The following LRP5 variants were observed in gnomAD, a reference collection of about 807,000 sequenced individuals.
LRP5 encodes the protein LDL receptor related protein 5.
LRP5 carries 62 observed loss-of-function variants against 154.1 expected under a neutral mutation model. That is an observed-to-expected ratio of 0.40 (90% CI 0.33 to 0.50). The LOEUF is 0.50. LRP5 is among the 20% of genes least tolerant of loss of function. The pLI, the probability that LRP5 is intolerant of heterozygous loss-of-function variation, is 0.55. For missense variants in LRP5, 1,915 were observed against 2,336.7 expected (o/e 0.82, Z 3.72); for synonymous variants, 966 against 1,011.5 (o/e 0.96, Z 0.85).
At chr11:68,379,359 C>G (rs1591252795) in intron 5 of LRP5, among the ~76,000 whole-genome samples, 1 of 152,166 alleles carries the variant, frequency 6.6e-6, no homozygotes. Flanking sequence ...GCAGGAACCT[C>G]CATGCGTTCC....
the LRP5 span, among the ~76,000 whole-genome samples, chr11:68,307,404 C>T: frequency 1.3e-5 from 2 of 152,074 alleles, no homozygotes; most frequent in Non-Finnish European, 2.9e-5. Flanking sequence ...GTGGCTCATA[C>T]CTATAATCCT....
Position 68,370,770 on chromosome 11 carries a change from G to A in LRP5, c.1015+5068G>A, listed in dbSNP as rs545070267. On this transcript the variant is annotated intron_variant, in intron 5 of 22. Coordinates refer to ENST00000294304, the MANE Select transcript of LRP5 (RefSeq NM_002335.4). ...GAAAAACATTTTGTGTCATTTATAG[G>A]CCCTGCTTGGGCGAGACTCTGGGCC... Among the ~76,000 whole-genome samples, 11 of 152,336 alleles carry A rather than the reference G, an allele frequency of 7.2e-5. No homozygotes were observed. The South Asian group carries it at 2.3e-3, about 32-fold the overall frequency.
intron 13 of LRP5, among the ~76,000 whole-genome samples, chr11:68,421,163 C>T (rs2098665388): frequency 6.6e-6 from 1 of 152,012 alleles, no homozygotes; most frequent in South Asian, 2.1e-4. Context: ...GGAGGCGGAG[C>T]TTGCGGTGAG....
intron 7 of LRP5, among the ~76,000 whole-genome samples, chr11:68,399,530 A>G (rs1354418523): frequency 6.6e-6 from 1 of 152,214 alleles, no homozygotes; most frequent in African/African-American, 2.4e-5. Context: ...TGTCCTGGAA[A>G]ATTCATCTCC....
intron 1 of LRP5, among the ~76,000 whole-genome samples, chr11:68,315,422 G>C (rs866998345): frequency 2.0e-5 from 3 of 152,378 alleles, no homozygotes; most frequent in South Asian, 4.1e-4. Flanking sequence ...GGAGTAGTTA[G>C]TTAGCACTGT....
rs80358306 is a variant in LRP5 at position 68,357,679 on chromosome 11, C to T, written c.518C>T (p.Thr173Met). The T allele has an allele frequency of 2.5e-4, 409 of 1,614,100 alleles. 1 individual carries two copies. The highest frequency in any genetic ancestry group is 8.7e-4 in the East Asian group (39 of 44,878). Residue 173 changes from threonine to methionine, a missense_variant, in exon 3 of 23, where the codon ACG (threonine) becomes ATG (methionine). Thr to Met is a moderately conservative substitution (Grantham distance 81). Around this residue, in one of 3 missense-constraint regions of LRP5, gnomAD observed 773 missense variants for 1,100.9 expected, o/e 0.70. Coordinates refer to ENST00000294304, the MANE Select transcript of LRP5 (RefSeq NM_002335.4). ...ATGTACTGGACAGACTGGGGTGAGA[C>T]GCCCCGGATTGAGCGGGCAGGGATG... The part of the protein sequence containing the change: ...GYMYWTDWGE[T>M]PRIERAGMDG...
chr11:68,409,069 AAAAAATATAT>A lies in LRP5; in HGVS notation c.2092-843_2092-834del, dbSNP rs1419677848. 2.5e-4 allele frequency among the ~76,000 whole-genome samples: 13 copies of A among 51,106 alleles called. No homozygotes were observed. In the South Asian group the frequency reaches 3.2e-3, roughly 12 times the overall value. The allele number at this position is 51,106 out of a possible 152,430, so 33.5% of individuals were successfully genotyped here. ...ATCTGGGGAAAAAAAAAAAAAAAAA[AAAAAATATAT>A]ATATATATATATATATACACACACA... On this transcript the variant is annotated intron_variant, in intron 9 of 22. Transcript: ENST00000294304.
rs2098667033 is a variant in LRP5, at chr11:68,423,570, A to G, written c.3109A>G (p.Thr1037Ala). The change falls in exon 14 of 23, where the codon ACA (threonine) becomes GCA (alanine). Residue 1037 changes from threonine (T) to alanine (A), a missense_variant. Thr to Ala is a moderately conservative substitution (Grantham distance 58). Around this residue, in one of 3 missense-constraint regions of LRP5, gnomAD observed 1,094 missense variants for 1,210.1 expected, o/e 0.90. Coordinates refer to ENST00000294304, the MANE Select transcript of LRP5 (RefSeq NM_002335.4). The surrounding 1 kb of genome is among the most constrained non-coding windows in gnomAD (Gnocchi z 4.7). Reference protein sequence around the residue: ...HDLSIDIYSRTLFWTCEATNT... With the variant: ...HDLSIDIYSRALFWTCEATNT... ...CCTCAGCATCGACATCTACAGCCGGACACTGTTCTGGACGTGCGAGGCCAC... is the reference window on the plus strand; with the variant it reads ...CCTCAGCATCGACATCTACAGCCGGGCACTGTTCTGGACGTGCGAGGCCAC... The G allele has an allele frequency of 1.2e-6, 2 of 1,614,212 alleles. No individual in the cohort carries two copies. Among genetic ancestry groups the G allele is most frequent in the East Asian group, 2.2e-5 (1 of 44,888 alleles).
chr11:68,363,887 G>A lies in LRP5; in HGVS notation c.827G>A (p.Ser276Asn), dbSNP rs1371890566. 1 of 1,612,920 alleles carries A rather than the reference G, an allele frequency of 6.2e-7. No individual in the cohort carries two copies. The change falls in exon 4 of 23, where the codon AGT becomes AAT. Residue 276 changes from serine (S) to asparagine (N), a missense_variant. Physicochemically the swap from Ser to Asn is conservative, Grantham distance 46. Transcript: ENST00000294304. ...RTGGKRKEIL[S>N]ALYSPMDIQV... is the part of the protein sequence containing the mutation. ...GGGGGGAAGAGGAAGGAGATCCTGA[G>A]TGCCCTCTACTCACCCATGGACATC...
intron 7 of LRP5, among the ~76,000 whole-genome samples, chr11:68,396,522 T>C (rs148091504): frequency 7.4e-4 from 113 of 152,300 alleles, no homozygotes; most frequent in Middle Eastern, 3.4e-3. Flanking sequence ...CGGGCAGCTG[T>C]GGCTGATCCC....
At chr11:68,354,263 T>C (rs1360307250) in intron 2 of LRP5, among the ~76,000 whole-genome samples, 1 of 152,254 alleles carries the variant, frequency 6.6e-6, no homozygotes, top group Non-Finnish European at 1.5e-5. Context: ...TTTGAGACTC[T>C]GCAAGAGCAC....
intron 1 of LRP5, among the ~76,000 whole-genome samples, chr11:68,329,344 G>T (rs1159965844): frequency 6.6e-6 from 1 of 152,188 alleles, no homozygotes; most frequent in East Asian, 1.9e-4. Context: ...GTGGGCTGGG[G>T]GCCATCCCTA....
intron 5 of LRP5, among the ~76,000 whole-genome samples, chr11:68,377,676 G>A (rs531949415): frequency 1.1e-4 from 16 of 152,322 alleles, no homozygotes; most frequent in Admixed American, 5.2e-4. Flanking sequence ...TGGGATCTGC[G>A]CAGTGGACAG....
chr11:68,309,779 G>A (rs2098586684), upstream of LRP5, among the ~76,000 whole-genome samples: 1 of 152,104 alleles, frequency 6.6e-6, no homozygotes, highest in Admixed American at 6.6e-5. Flanking sequence ...CTGGAGCCCT[G>A]AGCAGGCCCC....
rs144527440 is a variant in LRP5, at chr11:68,354,737, C to T, written c.489-2913C>T. Among the ~76,000 whole-genome samples the T allele has an allele frequency of 2.6e-3, 396 of 152,342 alleles. 1 individual carries two copies. Among genetic ancestry groups the T allele is most frequent in the African/African-American group, 8.7e-3 (362 of 41,588 alleles). ...ACACCAAGTGTGTTCCCAGAGCAGC[C>T]GCTCAGCGCCTGTAACCTGGAACAG... On this transcript the variant is annotated intron_variant, in intron 2 of 22. Transcript: ENST00000294304.
At position 68,426,006 on chromosome 11, in the gene LRP5, C is replaced by T; in HGVS notation, c.3456C>T (p.Ala1152=). ...CCAACCGCCTGACCCTGGAGGACGC[C>T]AACATCGTGCAGCCTCTGGGCCTGA... ...SGANRLTLED[A]NIVQPLGLTI... Residue 1152 remains alanine (A), a synonymous_variant, in exon 16 of 23, where the codon GCC becomes GCT. Coordinates refer to ENST00000294304, the MANE Select transcript of LRP5 (RefSeq NM_002335.4). 1 of 1,612,776 alleles carries T rather than the reference C, an allele frequency of 6.2e-7. No homozygotes were observed. The highest frequency in any genetic ancestry group is 8.5e-7 in the Non-Finnish European group (1 of 1,180,016).
At chr11:68,336,563 G>A (rs188080122) in intron 1 of LRP5, among the ~76,000 whole-genome samples, 80 of 152,236 alleles carry the variant, frequency 5.3e-4, no homozygotes, top group African/African-American at 1.9e-3. Flanking sequence ...CTGCCTCCCG[G>A]TTTCAAGCTA....
chr11:68,429,618 C>T lies in LRP5; in HGVS notation c.3681C>T (p.Ile1227=). The T allele has an allele frequency of 1.2e-6, 2 of 1,614,192 alleles. No homozygotes were observed. Among genetic ancestry groups the T allele is most frequent in the Non-Finnish European group, 1.7e-6 (2 of 1,180,050 alleles). Residue 1227 remains isoleucine, a synonymous_variant, in exon 17 of 23, where the codon ATC becomes ATT. Transcript: ENST00000294304. The stretch of plus-strand genomic sequence containing the variant: ...GTGACAATGGTGGCTGCTCCCACAT[C>T]TGTATTGCCAAGGGTGATGGGACAC... ...CARDNGGCSH[I]CIAKGDGTPR...
intron 1 of LRP5, among the ~76,000 whole-genome samples, chr11:68,325,692 A>G (rs2153116083): frequency 6.6e-6 from 1 of 152,310 alleles, no homozygotes; most frequent in Admixed American, 6.5e-5. Context: ...CGCAGCCTCC[A>G]GAGAAGCCCA....
Sources: gnomAD v4.1 joint callset for allele counts (sites outside exome capture counted in the v4.1 genomes callset) on GRCh38, gnomAD v4.1.1 for gene constraint, gnomAD v4.1.1 regional missense constraint, Gnocchi (gnomAD v3.1) non-coding constraint, MANE v1.5 for transcripts, NCBI Gene and HGNC (gene_info 2026-07-23, HGNC 2026-07-21) for gene names.